Variants in HSPG2 observed in about 807,000 individuals in gnomAD.
The protein encoded by HSPG2 is basement membrane-specific heparan sulfate proteoglycan core protein.
A neutral mutation model predicts 526.6 loss-of-function variants in HSPG2; 278 were observed. The observed-to-expected ratio is 0.53, with a 90% CI of 0.48 to 0.58. The LOEUF is 0.58. Among genes scored for constraint, HSPG2 ranks in the 20% least tolerant of loss-of-function variants. The probability of loss-of-function intolerance (pLI) is 0.00; values close to 1 mark genes in which losing one functional copy is unlikely to be tolerated. For synonymous variants in HSPG2, 2,465 were observed against 2,555.4 expected (o/e 0.96, Z 1.07); for missense variants, 5,354 against 6,099.5 (o/e 0.88, Z 4.07).
chr1:21,936,092 G>A (rs948844886), intron 1 of HSPG2, among the ~76,000 whole-genome samples: 2 of 152,108 alleles, frequency 1.3e-5, no homozygotes, highest in African/African-American at 4.8e-5. Context: ...AGGCAGGTAT[G>A]GGGACTGCCT....
In HSPG2 at chr1:21,831,366, C is replaced by G. The variant is rs772754404; in HGVS notation, c.11453-42G>C. 8 of 1,604,372 alleles carry G rather than the reference C, an allele frequency of 5.0e-6. No individual in the cohort carries two copies. The African/African-American group carries it at 1.1e-4, about 21-fold the overall frequency. On this transcript the variant is annotated intron_variant, in intron 83 of 96. Transcript: ENST00000374695. The stretch of plus-strand genomic sequence containing the variant: ...CAGGATGAGCACAGGGCAGGGTGTC[C>G]CAGCCCATACCCTGAGGTGCCCTCC...
intron 1 of HSPG2, among the ~76,000 whole-genome samples, chr1:21,915,655 G>A (rs556693799): frequency 1.8e-4 from 27 of 152,274 alleles, no homozygotes; most frequent in South Asian, 4.1e-4. Context: ...CATACACAGC[G>A]CTTCCGACAG....
In HSPG2 at chr1:21,823,190, G is replaced by A; in HGVS notation, c.*126C>T. On this transcript the variant is annotated 3_prime_UTR_variant, in exon 97 of 97. Coordinates refer to ENST00000374695, the MANE Select transcript of HSPG2 (RefSeq NM_005529.7). Reference sequence around the variant, plus strand: ...ATGCCCACCTCCAGTCCAGCCCAGGGCGGTAGCAGCAAAGCGTGGCATCGC... The same window carrying A: ...ATGCCCACCTCCAGTCCAGCCCAGGACGGTAGCAGCAAAGCGTGGCATCGC... 2 of 941,692 alleles carry A rather than the reference G, an allele frequency of 2.1e-6. No homozygotes were observed. The highest frequency in any genetic ancestry group is 2.8e-5 in the East Asian group (1 of 35,470). 58.3% of individuals were successfully genotyped at this position (941,692 alleles called of 1,614,324 possible). A position where few individuals can be genotyped will look rare whatever the true frequency, so the allele number is the denominator to read the frequency against.
chr1:21,863,060 C>CAAAAAAAAAA (rs60890297), intron 37 of HSPG2, among the ~76,000 whole-genome samples: 4 of 31,234 alleles, frequency 1.3e-4, no homozygotes, highest in Admixed American at 4.4e-4. Context: ...GACTCCATCT[C>CAAAAAAAAAA]AAAAAAAAAA....
Position 21,844,187 on chromosome 1 carries a change from C to T in HSPG2, c.8577G>A (p.Thr2859=), listed in dbSNP as rs1017203137. The change falls in exon 65 of 97, where the codon ACG becomes ACA. Residue 2859 remains threonine, a synonymous_variant. Transcript: ENST00000374695. ...VVPGQAHAQV[T]WHKRGGNLPA... ...GGAGGTTTCCTCCACGCTTGTGCCACGTGACCTGGGCGTGGGCCTGCCCGG... is the reference window on the plus strand; with the variant it reads ...GGAGGTTTCCTCCACGCTTGTGCCATGTGACCTGGGCGTGGGCCTGCCCGG... 12 of 1,613,794 alleles carry T rather than the reference C, an allele frequency of 7.4e-6. No individual in the cohort carries two copies. The highest frequency in any genetic ancestry group is 4.4e-5 in the South Asian group (4 of 91,078).
chr1:21,860,299 T>C, intron 39 of HSPG2, 64 bp from the exon 40 acceptor site: 1 of 1,490,094 alleles, frequency 6.7e-7, no homozygotes, highest in Non-Finnish European at 9.2e-7. Flanking sequence ...CATGGTGGAC[T>C]TGGGGAGCCA....
In HSPG2 at chr1:21,937,219, G is replaced by C. The variant is rs1644513877; in HGVS notation, c.-2C>G. 2 of 1,030,526 alleles carry C rather than the reference G, an allele frequency of 1.9e-6. No homozygotes were observed. The highest frequency in any genetic ancestry group is 2.0e-4 in the East Asian group (2 of 10,006). The allele number at this position is 1,030,526 out of a possible 1,614,324, so 63.8% of individuals were successfully genotyped here. On this transcript the variant is annotated 5_prime_UTR_variant, in exon 1 of 97. Transcript: ENST00000374695. The stretch of plus-strand genomic sequence containing the variant: ...CGCGCCCGCCGCCCGCCACCCCATG[G>C]CCCGGCCCGCGCCGCTCTCTCGCTC...
chr1:21,862,227 G>T, intron 37 of HSPG2, 112 bp from the exon 38 acceptor site: 1 of 1,251,132 alleles, frequency 8.0e-7, no homozygotes, highest in Non-Finnish European at 1.1e-6. Flanking sequence ...TCATCTTAAA[G>T]AAAGAATCAT....
intron 45 of HSPG2, 33 bp from the exon 46 acceptor site, chr1:21,855,708 A>G: frequency 6.3e-7 from 1 of 1,591,794 alleles, no homozygotes; most frequent in South Asian, 1.1e-5. Context: ...GCACCCACCA[A>G]GCCTGCTCAG....
At position 21,893,147 on chromosome 1, in the gene HSPG2, A is replaced by G. The variant is rs1642487036; in HGVS notation, c.245-2453T>C. Among the ~76,000 whole-genome samples, 1 of 151,900 alleles carries G rather than the reference A, an allele frequency of 6.6e-6. No homozygotes were observed. Among genetic ancestry groups the G allele is most frequent in the African/African-American group, 2.4e-5 (1 of 41,344 alleles). ...CTGATTCCCATCCCTGCTCAACAGA[A>G]CTCTCTGCAACACACCCAGGCCCCC... On this transcript the variant is annotated intron_variant, in intron 3 of 96. Transcript: ENST00000374695. This position sits in a 1 kb window ranked among gnomAD's most constrained non-coding sequence, Gnocchi z 4.3.
chr1:21,872,441 C>A lies in HSPG2; in HGVS notation c.4030-64G>T. ...CGGGGTGCCTTGGTGGGGGATGGGG[C>A]ACGGGAGGGTGTTAAGGTGCGGAAT... On this transcript the variant is annotated intron_variant, in intron 32 of 96. Coordinates refer to ENST00000374695, the MANE Select transcript of HSPG2 (RefSeq NM_005529.7). This position sits in a 1 kb window ranked among gnomAD's most constrained non-coding sequence, Gnocchi z 5.5. 1.4e-6 allele frequency: 2 copies of A among 1,468,282 alleles called. No homozygotes were observed. The highest frequency in any genetic ancestry group is 2.5e-5 in the South Asian group (2 of 79,150). The allele number at this position is 1,468,282 out of a possible 1,614,324, so 91.0% of individuals were successfully genotyped here.
chr1:21,884,769 C>T lies in HSPG2; in HGVS notation c.1505G>A (p.Arg502Gln), dbSNP rs1174069027. 1.2e-5 allele frequency: 20 copies of T among 1,613,324 alleles called. No homozygotes were observed. The highest frequency in any genetic ancestry group is 1.7e-5 in the Admixed American group (1 of 59,978). The change falls in exon 12 of 97, where the codon CGA (arginine) becomes CAA (glutamine). Residue 502 changes from arginine (R) to glutamine (Q), a missense_variant and splice_region_variant. Coordinates refer to ENST00000374695, the MANE Select transcript of HSPG2 (RefSeq NM_005529.7). ...PDGVLELVPQ[R>Q]GPCPDGHFYL... ...TGACACCTGCCCTCCGGCAGTACCT[C>T]GTTGTGGGACGAGCTCAAGGACACC...
chr1:21,887,503 C>T lies in HSPG2; in HGVS notation c.875G>A (p.Cys292Tyr). 1 of 1,614,032 alleles carries T rather than the reference C, an allele frequency of 6.2e-7. No individual in the cohort carries two copies. Among genetic ancestry groups the T allele is most frequent in the Non-Finnish European group, 8.5e-7 (1 of 1,179,990 alleles). Reference protein sequence around the residue: ...PLPCGPQEAACRNGHCIPRDY... With the variant: ...PLPCGPQEAAYRNGHCIPRDY... ...TCTGGGGATGCAGTGCCCATTGCGG[C>T]ATGCGGCCTCCTGGGGCCCACAGGG... The change falls in exon 8 of 97, where the codon TGC becomes TAC. Residue 292 changes from cysteine (C) to tyrosine (Y), a missense_variant. Coordinates refer to ENST00000374695, the MANE Select transcript of HSPG2 (RefSeq NM_005529.7). This position sits in a 1 kb window ranked among gnomAD's most constrained non-coding sequence, Gnocchi z 5.0.
Position 21,858,950 on chromosome 1 carries a change from C to T in HSPG2, c.5293+616G>A, listed in dbSNP as rs1033685292. 4.6e-5 allele frequency among the ~76,000 whole-genome samples: 7 copies of T among 151,974 alleles called. No individual in the cohort carries two copies. Among genetic ancestry groups the T allele is most frequent in the Non-Finnish European group, 5.9e-5 (4 of 68,010 alleles). ...GGTTGTACTAAGCAACAACTGCTCA[C>T]GGTGGCAATCTGCTTGGTGACACAG... On this transcript the variant is annotated intron_variant, in intron 42 of 96. Transcript: ENST00000374695. This position sits in a 1 kb window ranked among gnomAD's most constrained non-coding sequence, Gnocchi z 4.2.
At chr1:21,852,065 C>A (rs1369601660) in intron 53 of HSPG2, 23 bp downstream of exon 53, 2 of 1,612,850 alleles carry the variant, frequency 1.2e-6, no homozygotes, top group Non-Finnish European at 1.7e-6. Context: ...ATGGCCCCGT[C>A]CCACATTCTT....
At position 21,846,504 on chromosome 1, in the gene HSPG2, C is replaced by G; in HGVS notation, c.8260G>C (p.Ala2754Pro). The G allele has an allele frequency of 6.2e-7, 1 of 1,613,756 alleles. No homozygotes were observed. Among genetic ancestry groups the G allele is most frequent in the Non-Finnish European group, 8.5e-7 (1 of 1,180,038 alleles). The change falls in exon 63 of 97, where the codon GCC becomes CCC. Residue 2754 changes from alanine (A) to proline (P), a missense_variant. Transcript: ENST00000374695. Reference protein sequence around the residue: ...LDLNCVVPGQAHAQVTWHKRG... With the variant: ...LDLNCVVPGQPHAQVTWHKRG... Reference sequence around the variant, plus strand: ...TTGTGCCAAGTGACCTGGGCATGGGCCTGCCCGGGGACCACGCAGTTCAGA... The same window carrying G: ...TTGTGCCAAGTGACCTGGGCATGGGGCTGCCCGGGGACCACGCAGTTCAGA...
chr1:21,918,379 C>T (rs1643939930), intron 1 of HSPG2, among the ~76,000 whole-genome samples: 1 of 151,602 alleles, frequency 6.6e-6, no homozygotes. Flanking sequence ...GCAGGAGAAT[C>T]ACTTGAACCT....
rs1347579621 is a variant in HSPG2 at position 21,855,848 on chromosome 1, C to T, written c.5640G>A (p.Gly1880=). 1 of 1,613,084 alleles carries T rather than the reference C, an allele frequency of 6.2e-7. No homozygotes were observed. The highest frequency in any genetic ancestry group is 8.5e-7 in the Non-Finnish European group (1 of 1,180,010). ...IHPPQLTVQP[G]QLAEFRCSAT... ...CGCTGCAGCGGAACTCCGCCAGTTG[C>T]CCGGGCTGCACTGTGAGCTGTGGCG... Residue 1880 remains glycine, a synonymous_variant, in exon 45 of 97, where the codon GGG becomes GGA. Coordinates refer to ENST00000374695, the MANE Select transcript of HSPG2 (RefSeq NM_005529.7).
chr1:21,907,104 G>A (rs1643420517), intron 1 of HSPG2, among the ~76,000 whole-genome samples: 1 of 152,176 alleles, frequency 6.6e-6, no homozygotes, highest in South Asian at 2.1e-4. Flanking sequence ...CCATCAGTCT[G>A]CTCTCTCAGG....
Sources: allele counts gnomAD v4.1 joint callset (sites outside exome capture counted in the v4.1 genomes callset), GRCh38; gene constraint gnomAD v4.1.1; non-coding constraint Gnocchi (gnomAD v3.1); transcripts MANE v1.5; gene names NCBI Gene and HGNC (gene_info 2026-07-23, HGNC 2026-07-21).